The following TRAF2 variants were observed in gnomAD, a reference collection of about 807,000 sequenced individuals.
TRAF2 encodes the protein TNF receptor associated factor 2, also known as TNF receptor-associated factor 2.
Under a neutral mutation model 55.6 loss-of-function variants are expected in TRAF2, and 6 were observed. The observed-to-expected ratio is 0.11, with a 90% CI of 0.06 to 0.21. TRAF2 has a LOEUF of 0.21. Ranked by LOEUF, TRAF2 falls within the 10% of genes least tolerant of loss-of-function variation. The probability of loss-of-function intolerance (pLI) is 1.00; values close to 1 mark genes in which losing one functional copy is unlikely to be tolerated. For synonymous variants in TRAF2, 329 were observed against 276.3 expected, an observed-to-expected ratio of 1.19 and a Z score of -1.89; for missense variants, 561 against 684.5, an observed-to-expected ratio of 0.82 and a Z score of 2.01.
rs1455165728 is a variant in TRAF2 at position 136,900,591 on chromosome 9, G to C, written c.366+71G>C. Reference sequence around the variant, plus strand: ...GGGAGTCGTCCACGCTCCCCAAGCAGTTATGACCTTGTCCTGCACGTTCCT... The same window carrying C: ...GGGAGTCGTCCACGCTCCCCAAGCACTTATGACCTTGTCCTGCACGTTCCT... On this transcript the variant is annotated intron_variant, in intron 4 of 10. Transcript: ENST00000247668. 2.4e-6 allele frequency: 3 copies of C among 1,260,920 alleles called. No homozygotes were observed. In the Admixed American group the frequency reaches 5.4e-5, roughly 23 times the overall value. 78.1% of individuals were successfully genotyped at this position (1,260,920 alleles called of 1,614,324 possible).
At chr9:136,921,243 G>T (rs1432431841) in intron 9 of TRAF2, 28 bp downstream of exon 9, 35 of 1,611,572 alleles carry the variant, frequency 2.2e-5, no homozygotes, top group Non-Finnish European at 3.0e-5. Flanking sequence ...CCACCTCACT[G>T]CAGCTGCTGT....
intron 10 of TRAF2, among the ~76,000 whole-genome samples, chr9:136,924,956 C>T (rs975324320): frequency 6.6e-6 from 1 of 152,216 alleles, no homozygotes; most frequent in Non-Finnish European, 1.5e-5. Flanking sequence ...CCAGGCTGGT[C>T]TTGATCTCCT....
intron 1 of TRAF2, among the ~76,000 whole-genome samples, chr9:136,898,215 C>T (rs764836573): frequency 6.6e-6 from 1 of 152,180 alleles, no homozygotes; most frequent in African/African-American, 2.4e-5. Flanking sequence ...CTCCTGAGTG[C>T]CTTCAGAGCC....
Position 136,926,057 on chromosome 9 carries a change from G to A in TRAF2, c.*156G>A, listed in dbSNP as rs753638846. On this transcript the variant is annotated 3_prime_UTR_variant, in exon 11 of 11. Transcript: ENST00000247668. ...GGCCTGCAGCCAAGTTCACTGTCAC[G>A]GGGGAAGGAGCCACCAGCCAGTCCT... The A allele has an allele frequency of 9.9e-5, 90 of 908,020 alleles. No individual in the cohort carries two copies. The highest frequency in any genetic ancestry group is 1.3e-4 in the Non-Finnish European group (73 of 555,598). The allele number at this position is 908,020 out of a possible 1,614,324, so 56.2% of individuals were successfully genotyped here.
At chr9:136,885,635 G>A (rs1477940413), upstream of TRAF2, among the ~76,000 whole-genome samples, 3 of 152,198 alleles carry the variant, frequency 2.0e-5, no homozygotes, top group Admixed American at 2.0e-4. Flanking sequence ...GGGCGTGATG[G>A]CGGGCGCCTG....
chr9:136,896,169 T>G (rs528371061), intron 1 of TRAF2, among the ~76,000 whole-genome samples: 9 of 152,320 alleles, frequency 5.9e-5, no homozygotes, highest in African/African-American at 2.2e-4. Context: ...GCCAGAGAGA[T>G]GACCCCAATT....
intron 1 of TRAF2, among the ~76,000 whole-genome samples, chr9:136,893,212 G>C (rs768473808): frequency 6.6e-6 from 1 of 152,164 alleles, no homozygotes. Context: ...CGTCCCCACC[G>C]AGGGACCTTG....
intron 1 of TRAF2, 138 bp downstream of exon 1, chr9:136,886,679 C>G: frequency 2.1e-6 from 1 of 483,402 alleles, no homozygotes; most frequent in Non-Finnish European, 2.7e-6. Flanking sequence ...GCGGGAGAGG[C>G]CGCGGGGCGG....
intron 6 of TRAF2, among the ~76,000 whole-genome samples, chr9:136,912,150 CCCTTTTTT>C (rs1304993390): frequency 1.0e-4 from 13 of 125,096 alleles, no homozygotes; most frequent in African/African-American, 3.7e-4. Flanking sequence ...CTGCGTCTGG[CCCTTTTTT>C]TTTTTTTTTT....
rs564315112 is a variant in TRAF2, at chr9:136,913,162, A to G, written c.603+3168A>G. On this transcript the variant is annotated intron_variant, in intron 6 of 10. Transcript: ENST00000247668. The stretch of plus-strand genomic sequence containing the variant: ...CATCTCAAAAAAAAACAATAAACAA[A>G]AACCAGCAACATGGCTTCTGATGAT... Among the ~76,000 whole-genome samples, 3 of 152,056 alleles carry G rather than the reference A, an allele frequency of 2.0e-5. No homozygotes were observed. In the East Asian group the frequency reaches 5.8e-4, roughly 29 times the overall value.
chr9:136,920,005 A>T (rs1850344947), intron 7 of TRAF2, among the ~76,000 whole-genome samples: 1 of 152,184 alleles, frequency 6.6e-6, no homozygotes, highest in Non-Finnish European at 1.5e-5. Context: ...GTTGCTAGCT[A>T]CTGTGCCTGG....
Position 136,925,752 on chromosome 9 carries a change from T to C in TRAF2, c.1357T>C (p.Ser453Pro). ...TGACGCCTTCAGGCCCGACGTGACT[T>C]CATCCTCTTTTCAGAGGCCAGTCAA... ...VIDAFRPDVTSSSFQRPVNDM... is the reference protein window; with the variant it reads ...VIDAFRPDVTPSSFQRPVNDM... Residue 453 changes from serine to proline, a missense_variant, in exon 11 of 11, where the codon TCA becomes CCA. Physicochemically the swap from Ser to Pro is moderately conservative, Grantham distance 74. This residue lies in a region of TRAF2 where 135 missense variants were observed against 207.7 expected (regional missense o/e 0.65). Coordinates refer to ENST00000247668, the MANE Select transcript of TRAF2 (RefSeq NM_021138.4). The C allele has an allele frequency of 6.2e-7, 1 of 1,614,252 alleles. No individual in the cohort carries two copies. The highest frequency in any genetic ancestry group is 8.5e-7 in the Non-Finnish European group (1 of 1,180,046).
intron 1 of TRAF2, among the ~76,000 whole-genome samples, chr9:136,894,605 A>T (rs2784096): frequency 0.81 from 123,205 of 151,880 alleles, 50,316 homozygotes; most frequent in African/African-American, 0.9. Context: ...ATGAGGATGG[A>T]GGGGGACAAG....
At position 136,898,710 on chromosome 9, in the gene TRAF2, TA is replaced by T. The variant is rs749289056; in HGVS notation, c.-28-2del. Reference sequence around the variant, plus strand: ...GTGTAACGTGCTGTGTGTTCTTCCTTAGGGCTTTGTTCGCGGGGGTCACAGC... The same window carrying T: ...GTGTAACGTGCTGTGTGTTCTTCCTTGGGCTTTGTTCGCGGGGGTCACAGC... On this transcript the variant is annotated splice_acceptor_variant, in intron 1 of 10. Coordinates refer to ENST00000247668, the MANE Select transcript of TRAF2 (RefSeq NM_021138.4). LOFTEE classifies it low-confidence loss of function (5UTR_SPLICE). 7.4e-6 allele frequency: 12 copies of T among 1,612,346 alleles called. No individual in the cohort carries two copies. The highest frequency in any genetic ancestry group is 1.3e-5 in the African/African-American group (1 of 74,926).
At chr9:136,925,570 C>T (rs1345391356) in intron 10 of TRAF2, 113 bp from the exon 11 acceptor site, 41 of 1,117,854 alleles carry the variant, frequency 3.7e-5, no homozygotes, top group Non-Finnish European at 2.3e-5. Flanking sequence ...CAGCCTCTGG[C>T]CTGGGTCCTG....
intron 1 of TRAF2, 42 bp from the exon 2 acceptor site, chr9:136,898,669 CTG>C (rs750637709): frequency 9.4e-6 from 15 of 1,602,116 alleles, no homozygotes; most frequent in Non-Finnish European, 9.4e-6. Context: ...GTCTCGAGGA[CTG>C]TTCTGGAATT....
chr9:136,909,956 T>A lies in TRAF2; in HGVS notation c.565T>A (p.Cys189Ser). ...GGTCTGCCCCAAGTTCCCCTTAACT[T>A]GTGACGGCTGCGGCAAGAAGAAGAT... is the stretch of plus-strand genomic sequence containing the variant. ...HEVCPKFPLT[C>S]DGCGKKKIPR... is the part of the protein sequence containing the mutation. Residue 189 changes from cysteine to serine, a missense_variant, in exon 6 of 11, where the codon TGT becomes AGT. By Grantham distance (112) the Cys-to-Ser change is moderately radical. This residue lies in a region of TRAF2 where 426 missense variants were observed against 476.8 expected (regional missense o/e 0.89). Coordinates refer to ENST00000247668, the MANE Select transcript of TRAF2 (RefSeq NM_021138.4). 6.2e-7 allele frequency: 1 copy of A among 1,613,968 alleles called. No homozygotes were observed. Among genetic ancestry groups the A allele is most frequent in the South Asian group, 1.1e-5 (1 of 91,076 alleles).
upstream of TRAF2, among the ~76,000 whole-genome samples, chr9:136,885,521 T>C (rs1433288662): frequency 6.6e-6 from 1 of 152,078 alleles, no homozygotes; most frequent in African/African-American, 2.4e-5. Context: ...TTCATTTGAG[T>C]GTCTGGAGGC....
intron 1 of TRAF2, among the ~76,000 whole-genome samples, chr9:136,891,014 G>C (rs1235383174): frequency 1.3e-5 from 2 of 152,186 alleles, no homozygotes; most frequent in South Asian, 2.1e-4. Flanking sequence ...TGGGACCACA[G>C]ATGCGAGATC....
Sources: gnomAD v4.1 joint callset for allele counts (sites outside exome capture counted in the v4.1 genomes callset) on GRCh38, gnomAD v4.1.1 for gene constraint, gnomAD v4.1.1 regional missense constraint, MANE v1.5 for transcripts, NCBI Gene and HGNC (gene_info 2026-07-23, HGNC 2026-07-21) for gene names.